Variants in AGPAT3 observed in about 807,000 individuals in gnomAD.
The protein encoded by AGPAT3 is 1-acyl-sn-glycerol-3-phosphate acyltransferase gamma.
Under a neutral mutation model 47.3 loss-of-function variants are expected in AGPAT3, and 5 were observed. The observed-to-expected ratio is 0.11, with a 90% confidence interval of 0.06 to 0.22. AGPAT3 has a LOEUF of 0.22. AGPAT3 is among the 10% of genes least tolerant of loss of function. The probability of loss-of-function intolerance (pLI) is 1.00; values close to 1 mark genes in which losing one functional copy is unlikely to be tolerated. For synonymous variants in AGPAT3, 212 were observed against 208.3 expected (o/e 1.02, Z -0.15); for missense variants, 315 against 493.0 (o/e 0.64, Z 3.42).
intron 2 of AGPAT3, among the ~76,000 whole-genome samples, chr21:43,919,199 G>C (rs1020103387): frequency 5.9e-5 from 9 of 152,080 alleles, no homozygotes; most frequent in Admixed American, 2.0e-4. Context: ...GTGGGGTACA[G>C]GTGGATTTTG....
At chr21:43,909,659 A>C (rs2086587126) in intron 2 of AGPAT3, among the ~76,000 whole-genome samples, 1 of 152,162 alleles carries the variant, frequency 6.6e-6, no homozygotes, top group Admixed American at 6.5e-5. Flanking sequence ...AATGAAAGGT[A>C]TCCCGACGGT....
Position 43,985,345 on chromosome 21 carries a change from G to A in AGPAT3, c.*2953G>A, listed in dbSNP as rs1473627629. ...CAGTCTGGTGGAAGAGATGAGCGCT[G>A]AACAAATCACTAAATAACACAAAAC... On this transcript the variant is annotated 3_prime_UTR_variant, in exon 10 of 10. Transcript: ENST00000291572. The A allele has an allele frequency of 2.8e-6, 1 of 362,258 alleles. No individual in the cohort carries two copies. Among genetic ancestry groups the A allele is most frequent in the Non-Finnish European group, 5.5e-6 (1 of 182,016 alleles). 22.4% of individuals were successfully genotyped at this position (362,258 alleles called of 1,614,324 possible).
chr21:43,920,229 TTGTG>T lies in AGPAT3; in HGVS notation c.-49+16211_-49+16214del, dbSNP rs1373841144. On this transcript the variant is annotated intron_variant, in intron 2 of 9. Coordinates refer to ENST00000291572, the MANE Select transcript of AGPAT3 (RefSeq NM_020132.5). The surrounding 1 kb of genome is among the most constrained non-coding windows in gnomAD (Gnocchi z 6.1). ...GCCCTGTGTGTGTGTGTGTGAGAGA[TTGTG>T]AGTGAGTGTGTGTGTGTAAGGGTGT... 5.5e-5 allele frequency among the ~76,000 whole-genome samples: 8 copies of T among 146,648 alleles called. No homozygotes were observed. The highest frequency in any genetic ancestry group is 1.8e-4 in the African/African-American group (7 of 39,572).
intron 1 of AGPAT3, 44 bp downstream of exon 1, chr21:43,865,389 TC>T (rs1365025726): frequency 1.4e-5 from 2 of 144,974 alleles, no homozygotes; most frequent in East Asian, 4.1e-4. Context: ...GCCCCCCTCT[TC>T]CCCCACGCCC....
rs1030614327 is a variant in AGPAT3, at chr21:43,918,566, T to C, written c.-49+14547T>C. 2.0e-5 allele frequency among the ~76,000 whole-genome samples: 3 copies of C among 149,556 alleles called. No homozygotes were observed. In the Admixed American group the frequency reaches 2.0e-4, roughly 10 times the overall value. Reference sequence around the variant, plus strand: ...TTAGCTTTGTGTGTCTCTGTAAATCTAGCAATCTGGCAGACTGCTGGCTTT... The same window carrying C: ...TTAGCTTTGTGTGTCTCTGTAAATCCAGCAATCTGGCAGACTGCTGGCTTT... On this transcript the variant is annotated intron_variant, in intron 2 of 9. Transcript: ENST00000291572.
rs577614419 is a variant in AGPAT3 at position 43,947,787 on chromosome 21, G to T, written c.-48-11847G>T. Among the ~76,000 whole-genome samples, 51 of 151,852 alleles carry T rather than the reference G, an allele frequency of 3.4e-4. No individual in the cohort carries two copies. In the South Asian group the frequency reaches 0.01, roughly 31 times the overall value. On this transcript the variant is annotated intron_variant, in intron 2 of 9. Transcript: ENST00000291572. ...GCCTCCTGAGTGGCTGGGATTATAGGCGCCTGCCACCACACCCGGCTAATT... is the reference window on the plus strand; with the variant it reads ...GCCTCCTGAGTGGCTGGGATTATAGTCGCCTGCCACCACACCCGGCTAATT...
rs1179742243 is a variant in AGPAT3 at position 43,986,342 on chromosome 21, C to G, written c.*3950C>G. On this transcript the variant is annotated 3_prime_UTR_variant, in exon 10 of 10. Transcript: ENST00000291572. The stretch of plus-strand genomic sequence containing the variant: ...ACATTGGTGTCGCCGGCCCAGGCAA[C>G]AGCAGCGTACGCTTTTCAAAGATCA... 2.6e-5 allele frequency: 4 copies of G among 152,386 alleles called. No homozygotes were observed. The highest frequency in any genetic ancestry group is 1.3e-4 in the Admixed American group (2 of 15,282). The allele number at this position is 152,386 out of a possible 1,614,324, so 9.4% of individuals were successfully genotyped here. A position where few individuals can be genotyped will look rare whatever the true frequency, so the allele number is the denominator to read the frequency against.
At position 43,985,500 on chromosome 21, in the gene AGPAT3, G is replaced by T. The variant is rs117775713; in HGVS notation, c.*3108G>T. 3.8e-5 allele frequency: 12 copies of T among 315,740 alleles called. No homozygotes were observed. In the East Asian group the frequency reaches 9.9e-4, roughly 26 times the overall value. The allele number at this position is 315,740 out of a possible 1,614,324, so 19.6% of individuals were successfully genotyped here. ...CCGTGGCATGAGAATCTTTCCTCAC[G>T]CTGTTCGTTGCGGTATTGCTGAGCA... is the stretch of plus-strand genomic sequence containing the variant. On this transcript the variant is annotated 3_prime_UTR_variant, in exon 10 of 10. Coordinates refer to ENST00000291572, the MANE Select transcript of AGPAT3 (RefSeq NM_020132.5).
chr21:43,875,456 T>C (rs924153589), intron 1 of AGPAT3, among the ~76,000 whole-genome samples: 1 of 152,246 alleles, frequency 6.6e-6, no homozygotes, highest in African/African-American at 2.4e-5. Context: ...ATCTGCCTTA[T>C]GCTTTGCTTT....
intron 2 of AGPAT3, among the ~76,000 whole-genome samples, chr21:43,916,023 C>T (rs956566461): frequency 2.0e-5 from 3 of 152,252 alleles, no homozygotes; most frequent in Non-Finnish European, 4.4e-5. Flanking sequence ...AGAGGAATAT[C>T]TAAGAAGATA....
chr21:43,900,230 TG>T, intron 1 of AGPAT3, among the ~76,000 whole-genome samples: 1 of 152,212 alleles, frequency 6.6e-6, no homozygotes, highest in African/African-American at 2.4e-5. Flanking sequence ...TGAGGTCCAC[TG>T]GAGAAGCCCA....
At position 43,970,754 on chromosome 21, in the gene AGPAT3, G is replaced by A; in HGVS notation, c.612G>A (p.Leu204=). 1 of 1,610,108 alleles carries A rather than the reference G, an allele frequency of 6.2e-7. No homozygotes were observed. The highest frequency in any genetic ancestry group is 8.5e-7 in the Non-Finnish European group (1 of 1,177,184). Residue 204 remains leucine, a synonymous_variant, in exon 6 of 10, where the codon CTG becomes CTA. Transcript: ENST00000291572. This position sits in a 1 kb window ranked among gnomAD's most constrained non-coding sequence, Gnocchi z 5.8. ...AKGLPVLKYH[L]LPRTKGFTTA... ...GGCTTCCTGTCCTCAAGTACCACCT[G>A]CTGCCGCGGACCAAGGGCTTCACCA...
intron 1 of AGPAT3, among the ~76,000 whole-genome samples, chr21:43,878,173 C>G (rs754868874): frequency 6.6e-6 from 1 of 152,142 alleles, no homozygotes; most frequent in Non-Finnish European, 1.5e-5. Context: ...CACCCCCACA[C>G]CCGGTCTTCA....
intron 2 of AGPAT3, among the ~76,000 whole-genome samples, chr21:43,944,656 C>T (rs113306150): frequency 2.8e-4 from 42 of 152,312 alleles, no homozygotes; most frequent in Middle Eastern, 3.4e-3. Context: ...GGCAGGGGGA[C>T]GGCTGTGCTC....
At chr21:43,907,590 A>G (rs2086530983) in intron 2 of AGPAT3, among the ~76,000 whole-genome samples, 1 of 151,848 alleles carries the variant, frequency 6.6e-6, no homozygotes, top group Admixed American at 6.6e-5. Flanking sequence ...GGTGGCGGGC[A>G]CTTGTAGTCC....
At chr21:43,961,443 CAT>C (rs1235850172) in intron 3 of AGPAT3, among the ~76,000 whole-genome samples, 6 of 150,250 alleles carry the variant, frequency 4.0e-5, no homozygotes, top group African/African-American at 7.3e-5. Context: ...CACTTTGTCT[CAT>C]GTGGGAAAGG....
Position 43,931,895 on chromosome 21 carries a change from G to A in AGPAT3, c.-48-27739G>A, listed in dbSNP as rs1025491771. Among the ~76,000 whole-genome samples, 10 of 150,918 alleles carry A rather than the reference G, an allele frequency of 6.6e-5. 1 individual carries two copies. The highest frequency in any genetic ancestry group is 3.9e-4 in the East Asian group (2 of 5,146). ...CCATACAGGTTGAGGTTTTGTTTCC[G>A]TTCTGCTTTTTACCTGAAGAGGATC... On this transcript the variant is annotated intron_variant, in intron 2 of 9. Transcript: ENST00000291572.
chr21:43,976,769 G>A (rs999617255), intron 7 of AGPAT3, among the ~76,000 whole-genome samples: 1 of 152,128 alleles, frequency 6.6e-6, no homozygotes, highest in African/African-American at 2.4e-5. Context: ...ACTGCCCAGA[G>A]GGAAGGGAGA....
chr21:43,921,193 G>C (rs536750921), intron 2 of AGPAT3, among the ~76,000 whole-genome samples: 1 of 152,166 alleles, frequency 6.6e-6, no homozygotes, highest in Non-Finnish European at 1.5e-5. Context: ...TGAACCTGAG[G>C]GGGAGTCATT....
Sources: allele counts gnomAD v4.1 joint callset (sites outside exome capture counted in the v4.1 genomes callset), GRCh38; gene constraint gnomAD v4.1.1; non-coding constraint Gnocchi (gnomAD v3.1); transcripts MANE v1.5; gene names NCBI Gene and HGNC (gene_info 2026-07-23, HGNC 2026-07-21).